PSD3: variants seen among roughly 807,000 people sequenced by gnomAD.
PSD3 encodes the protein pleckstrin and Sec7 domain containing 3, also known as PH and SEC7 domain-containing protein 3.
PSD3 carries 49 observed loss-of-function variants against 105.5 expected under a neutral mutation model. The ratio of observed to expected loss-of-function variants is 0.46; its 90% CI spans 0.37 to 0.59. PSD3 has a LOEUF of 0.59. Ranked by LOEUF, PSD3 falls within the 20% of genes least tolerant of loss-of-function variation. The probability of loss-of-function intolerance (pLI) is 0.00; values close to 1 mark genes in which losing one functional copy is unlikely to be tolerated. For missense variants in PSD3, 1,561 were observed against 1,263.8 expected (o/e 1.24, Z -3.57); for synonymous variants, 557 against 457.8 (o/e 1.22, Z -2.77).
intron 2 of PSD3, among the ~76,000 whole-genome samples, chr8:18,893,801 C>T (rs1469821280): frequency 6.6e-6 from 1 of 152,204 alleles, no homozygotes; most frequent in Non-Finnish European, 1.5e-5. Context: ...CTCACTGGCT[C>T]ACAGGCAACA....
intron 15 of PSD3, among the ~76,000 whole-genome samples, chr8:18,540,404 T>C (rs1013088260): frequency 6.6e-6 from 1 of 152,164 alleles, no homozygotes; most frequent in Admixed American, 6.5e-5. Context: ...TATGCCTGTG[T>C]CTGTAACCAC....
upstream of PSD3, chr8:19,013,958 T>A (rs577667427): frequency 6.6e-6 from 1 of 151,768 alleles, no homozygotes; most frequent in Non-Finnish European, 1.5e-5. Context: ...CTGGAGGCGA[T>A]CCAGACCCTC....
At chr8:18,836,586 T>A (rs1312344080) in intron 4 of PSD3, among the ~76,000 whole-genome samples, 3 of 152,200 alleles carry the variant, frequency 2.0e-5, no homozygotes, top group Non-Finnish European at 4.4e-5. Context: ...TCCCGCCATA[T>A]CCATGAGGGA....
intron 1 of PSD3, among the ~76,000 whole-genome samples, chr8:19,065,983 ATT>A (rs113153159): frequency 0.042 from 6,457 of 152,218 alleles, 431 homozygotes; most frequent in African/African-American, 0.15. Context: ...AATTCTAAAG[ATT>A]TTTTAAGAGT....
At chr8:18,572,431 G>GC in intron 14 of PSD3, 97 bp downstream of exon 14, 1 of 1,451,058 alleles carries the variant, frequency 6.9e-7, no homozygotes, top group Non-Finnish European at 9.4e-7. Context: ...TCTCACACCT[G>GC]CCCCCAAAAC....
intron 2 of PSD3, among the ~76,000 whole-genome samples, chr8:18,931,759 G>A (rs187417202): frequency 3.3e-5 from 5 of 152,206 alleles, no homozygotes; most frequent in Non-Finnish European, 5.9e-5. Context: ...CAACAGAAGA[G>A]TCCCCGAAGG....
chr8:18,966,552 C>T (rs966116272), intron 1 of PSD3, among the ~76,000 whole-genome samples: 1 of 140,168 alleles, frequency 7.1e-6, no homozygotes, highest in African/African-American at 2.7e-5. Context: ...GCCTGGGCAA[C>T]AGAGAGAGAC....
chr8:19,020,369 G>A (rs547217099), intron 1 of PSD3, among the ~76,000 whole-genome samples: 2 of 152,190 alleles, frequency 1.3e-5, no homozygotes, highest in Non-Finnish European at 2.9e-5. Flanking sequence ...ACCTAAAGGA[G>A]GTGAGGGGGA....
chr8:19,081,778 T>C (rs930275124), intron 1 of PSD3, among the ~76,000 whole-genome samples: 1 of 152,188 alleles, frequency 6.6e-6, no homozygotes, highest in Non-Finnish European at 1.5e-5. Context: ...AATTCAGCCA[T>C]TTTGAATCCT....
At chr8:18,641,421 C>A (rs148681844) in intron 10 of PSD3, among the ~76,000 whole-genome samples, 1 of 152,136 alleles carries the variant, frequency 6.6e-6, no homozygotes. Flanking sequence ...GTAGGGGAAA[C>A]AGATACACAA....
intron 4 of PSD3, among the ~76,000 whole-genome samples, chr8:18,866,282 C>T (rs2129456443): frequency 6.6e-6 from 1 of 152,330 alleles, no homozygotes; most frequent in South Asian, 2.1e-4. Context: ...AGGAATGCCT[C>T]CTCGCCAGTA....
At chr8:18,692,601 G>C (rs1214915647) in intron 9 of PSD3, among the ~76,000 whole-genome samples, 2 of 152,028 alleles carry the variant, frequency 1.3e-5, no homozygotes, top group Non-Finnish European at 2.9e-5. Context: ...ATGATGAGAG[G>C]CTTTTTTAAA....
chr8:18,913,575 T>C (rs1173757114), intron 2 of PSD3, among the ~76,000 whole-genome samples: 3 of 151,712 alleles, frequency 2.0e-5, no homozygotes, highest in Non-Finnish European at 4.4e-5. Context: ...GATCCAGGCC[T>C]GCTTCAGCAG....
intron 1 of PSD3, among the ~76,000 whole-genome samples, chr8:19,080,744 G>A (rs954526535): frequency 3.3e-5 from 5 of 152,120 alleles, no homozygotes; most frequent in Non-Finnish European, 1.5e-5. Context: ...AAGGGAGAAA[G>A]GAAGACCAAA....
chr8:18,541,692 G>C (rs967613929), intron 15 of PSD3, among the ~76,000 whole-genome samples: 4 of 151,856 alleles, frequency 2.6e-5, no homozygotes, highest in Non-Finnish European at 5.9e-5. Flanking sequence ...TCTTTAGAGA[G>C]AAACGTAGGT....
intron 9 of PSD3, among the ~76,000 whole-genome samples, chr8:18,674,521 C>T (rs1457362727): frequency 6.6e-6 from 1 of 152,162 alleles, no homozygotes; most frequent in Non-Finnish European, 1.5e-5. Flanking sequence ...AAGATAAAAG[C>T]ACACTGTTAC....
At chr8:18,969,435 A>G (rs79161226) in intron 1 of PSD3, among the ~76,000 whole-genome samples, 15,749 of 152,236 alleles carry the variant, frequency 0.1, 1,008 homozygotes, top group Non-Finnish European at 0.13. Context: ...TGTGTTAATA[A>G]CCAGAAAAGT....
intron 8 of PSD3, among the ~76,000 whole-genome samples, chr8:18,790,505 T>C (rs987054533): frequency 3.9e-5 from 6 of 152,056 alleles, no homozygotes; most frequent in Non-Finnish European, 7.4e-5. Context: ...GGTTTCACCA[T>C]GTTAGCCAGG....
chr8:18,608,674 G>C (rs1240340673), intron 11 of PSD3, among the ~76,000 whole-genome samples: 1 of 152,086 alleles, frequency 6.6e-6, no homozygotes, highest in East Asian at 1.9e-4. Context: ...GGAATGAAAA[G>C]ACAGTATCAC....
Sources: gnomAD v4.1 joint callset for allele counts (sites outside exome capture counted in the v4.1 genomes callset) on GRCh38, gnomAD v4.1.1 for gene constraint, MANE v1.5 for transcripts, NCBI Gene and HGNC (gene_info 2026-07-23, HGNC 2026-07-21) for gene names.